Variants in SCARA3 observed in about 807,000 individuals in gnomAD.
The protein encoded by SCARA3 is cellular stress response gene protein.
SCARA3 carries 39 observed loss-of-function variants against 47.0 expected under a neutral mutation model. The observed-to-expected ratio is 0.83, with a 90% confidence interval of 0.64 to 1.08. SCARA3 has a LOEUF of 1.08. Among genes scored for constraint, SCARA3 ranks in the 50% least tolerant of loss-of-function variants. The pLI is 0.00. For missense variants in SCARA3, 724 were observed against 792.3 expected (o/e 0.91, Z 1.04); for synonymous variants, 356 against 334.1 (o/e 1.07, Z -0.71).
chr8:27,691,334 G>C, the SCARA3 span, among the ~76,000 whole-genome samples: 1 of 152,078 alleles, frequency 6.6e-6, no homozygotes, highest in South Asian at 2.1e-4. Context: ...TCCTTGGCCA[G>C]AGTGACAGAA....
chr8:27,727,899 A>G, the SCARA3 span, among the ~76,000 whole-genome samples: 20 of 152,322 alleles, frequency 1.3e-4, no homozygotes, highest in Non-Finnish European at 2.6e-4. Context: ...AAAGGACTGC[A>G]CTGAAGGGAA....
the SCARA3 span, among the ~76,000 whole-genome samples, chr8:27,707,491 A>C: frequency 6.9e-6 from 1 of 145,826 alleles, no homozygotes; most frequent in East Asian, 2.0e-4. Context: ...AAAAAAAAAC[A>C]TTCAACAGAA....
intron 1 of SCARA3, among the ~76,000 whole-genome samples, chr8:27,637,912 G>A (rs561522778): frequency 6.6e-6 from 1 of 152,074 alleles, no homozygotes; most frequent in Non-Finnish European, 1.5e-5. Context: ...TTCCCCAGGG[G>A]CACGGGAAGG....
At chr8:27,721,139 G>C in the SCARA3 span, among the ~76,000 whole-genome samples, 2 of 151,624 alleles carry the variant, frequency 1.3e-5, no homozygotes, top group Non-Finnish European at 2.9e-5. Context: ...CATGAGTAAG[G>C]CCATTTTAAG....
intron 1 of SCARA3, 122 bp from the exon 2 acceptor site, chr8:27,649,580 T>A (rs994389179): frequency 1.1e-6 from 1 of 906,924 alleles, no homozygotes. Flanking sequence ...TCAGGCCACC[T>A]GGAGCTCAGT....
chr8:27,728,316 G>A, the SCARA3 span, among the ~76,000 whole-genome samples: 1 of 152,196 alleles, frequency 6.6e-6, no homozygotes, highest in Admixed American at 6.5e-5. Context: ...GCGCATTCCA[G>A]GATCAGACAA....
chr8:27,636,656 T>C (rs1801257672), intron 1 of SCARA3, among the ~76,000 whole-genome samples: 1 of 152,162 alleles, frequency 6.6e-6, no homozygotes, highest in Non-Finnish European at 1.5e-5. Flanking sequence ...AGCCTCTTCA[T>C]GTGCCGAGCG....
intron 3 of SCARA3, among the ~76,000 whole-genome samples, chr8:27,651,861 G>T (rs992864329): frequency 6.6e-6 from 1 of 152,188 alleles, no homozygotes; most frequent in Non-Finnish European, 1.5e-5. Flanking sequence ...TTTCCCATTG[G>T]TGTAATGAGA....
chr8:27,681,778 A>G, the SCARA3 span, among the ~76,000 whole-genome samples: 1 of 152,220 alleles, frequency 6.6e-6, no homozygotes, highest in African/African-American at 2.4e-5. Context: ...GCTGAAAGAA[A>G]TTTTTAAAAG....
the SCARA3 span, among the ~76,000 whole-genome samples, chr8:27,705,793 A>G: frequency 6.6e-6 from 1 of 152,370 alleles, no homozygotes; most frequent in East Asian, 1.9e-4. Flanking sequence ...CCCTAGCGAT[A>G]TACACTGGGA....
rs35666436 is a variant in SCARA3 at position 27,637,413 on chromosome 8, AC to A, written c.7+3211del. 1.8e-3 allele frequency among the ~76,000 whole-genome samples: 280 copies of A among 152,182 alleles called. 3 individuals carry two copies. Among genetic ancestry groups the A allele is most frequent in the East Asian group, 0.017 (88 of 5,158 alleles). On this transcript the variant is annotated intron_variant, in intron 1 of 5. Transcript: ENST00000301904. ...TCCACACTTCCAGTAAGAGTGACCC[AC>A]CCCCAAGATGCCCAAGACACAGGCT...
rs1316738440 is a variant in SCARA3 at position 27,658,943 on chromosome 8, A to G, written c.773A>G (p.Tyr258Cys). 6.2e-7 allele frequency: 1 copy of G among 1,614,158 alleles called. No individual in the cohort carries two copies. Among genetic ancestry groups the G allele is most frequent in the African/African-American group, 1.3e-5 (1 of 75,056 alleles). ...LQKIVTDWQN[Y>C]TRLFSGLRTT... The stretch of plus-strand genomic sequence containing the variant: ...AAGATTGTCACCGACTGGCAGAACT[A>G]CACACGGCTCTTCAGCGGCCTGCGC... Residue 258 changes from tyrosine (Y) to cysteine (C), a missense_variant, in exon 5 of 6, where the codon TAC becomes TGC. Transcript: ENST00000301904.
rs1415400509 is a variant in SCARA3, at chr8:27,646,978, C to T, written c.8-2724C>T. Reference sequence around the variant, plus strand: ...CGCACCCCTGACCGCCCCCGCCCCCCCCCCGCACACACACACTATTGCCCC... The same window carrying T: ...CGCACCCCTGACCGCCCCCGCCCCCTCCCCGCACACACACACTATTGCCCC... On this transcript the variant is annotated intron_variant, in intron 1 of 5. Coordinates refer to ENST00000301904, the MANE Select transcript of SCARA3 (RefSeq NM_016240.3). Among the ~76,000 whole-genome samples the T allele has an allele frequency of 2.5e-4, 28 of 110,584 alleles. 4 individuals carry two copies. The highest frequency in any genetic ancestry group is 1.7e-3 in the Admixed American group (19 of 11,500). The allele number at this position is 110,584 out of a possible 152,430, so 72.5% of individuals were successfully genotyped here. A position where few individuals can be genotyped will look rare whatever the true frequency, so the allele number is the denominator to read the frequency against.
Position 27,672,275 on chromosome 8 carries a change from G to A in SCARA3, c.*924G>A. ...TCATCCTTGCCTCTGCCCTTCAGGAGCAGCCTGGAAGGAATCCAAGCAGGA... is the reference window on the plus strand; with the variant it reads ...TCATCCTTGCCTCTGCCCTTCAGGAACAGCCTGGAAGGAATCCAAGCAGGA... On this transcript the variant is annotated 3_prime_UTR_variant, in exon 6 of 6. Transcript: ENST00000301904. 1.0e-6 allele frequency: 1 copy of A among 985,528 alleles called. No individual in the cohort carries two copies. Among genetic ancestry groups the A allele is most frequent in the Non-Finnish European group, 1.2e-6 (1 of 830,002 alleles). 61.0% of individuals were successfully genotyped at this position (985,528 alleles called of 1,614,324 possible). A position where few individuals can be genotyped will look rare whatever the true frequency, so the allele number is the denominator to read the frequency against.
chr8:27,712,484 A>C, the SCARA3 span, among the ~76,000 whole-genome samples: 1 of 139,822 alleles, frequency 7.2e-6, no homozygotes, highest in Non-Finnish European at 1.5e-5. Flanking sequence ...AATGGCGTGA[A>C]CCCGGGAGGC....
intron 1 of SCARA3, among the ~76,000 whole-genome samples, chr8:27,640,326 T>C (rs1801356023): frequency 6.6e-6 from 1 of 152,202 alleles, no homozygotes; most frequent in African/African-American, 2.4e-5. Context: ...AATCATTCTG[T>C]GTATGTTTGC....
rs1585288763 is a variant in SCARA3 at position 27,659,462 on chromosome 8, T to A, written c.1292T>A (p.Leu431His). The A allele has an allele frequency of 6.2e-7, 1 of 1,613,878 alleles. No individual in the cohort carries two copies. The highest frequency in any genetic ancestry group is 2.2e-5 in the East Asian group (1 of 44,864). ...CGGCTGGACCTCAACGTCCGGAACC[T>A]CTCCATGATCGTGGAGGAGATGAAG... ...SARLDLNVRN[L>H]SMIVEEMKAV... Residue 431 changes from leucine to histidine, a missense_variant, in exon 5 of 6, where the codon CTC (leucine) becomes CAC (histidine). By Grantham distance (99) the Leu-to-His change is moderately conservative. Transcript: ENST00000301904.
the SCARA3 span, among the ~76,000 whole-genome samples, chr8:27,717,067 A>T: frequency 6.6e-6 from 1 of 152,336 alleles, no homozygotes; most frequent in Non-Finnish European, 1.5e-5. Flanking sequence ...AAGGGCCTGA[A>T]ATTCAAGGAA....
chr8:27,637,415 C>A (rs934617483), intron 1 of SCARA3, among the ~76,000 whole-genome samples: 34 of 151,660 alleles, frequency 2.2e-4, no homozygotes, highest in Non-Finnish European at 2.5e-4. Context: ...AGTGACCCAC[C>A]CCCAAGATGC....
Sources: gnomAD v4.1 joint callset for allele counts (sites outside exome capture counted in the v4.1 genomes callset) on GRCh38, gnomAD v4.1.1 for gene constraint, MANE v1.5 for transcripts, NCBI Gene and HGNC (gene_info 2026-07-23, HGNC 2026-07-21) for gene names.